Variants in ABCB9 observed in about 807,000 individuals in gnomAD.
ABCB9 encodes ABC-type oligopeptide transporter ABCB9.
A neutral mutation model predicts 62.0 loss-of-function variants in ABCB9; 36 were observed. That is an observed-to-expected ratio of 0.58 (90% CI 0.45 to 0.77). The LOEUF is 0.77. Among genes scored for constraint, ABCB9 ranks in the 30% least tolerant of loss-of-function variants. The pLI, the probability that ABCB9 is intolerant of heterozygous loss-of-function variation, is 0.00. For missense variants in ABCB9, 943 were observed against 1,054.7 expected, an observed-to-expected ratio of 0.89 and a Z score of 1.47; for synonymous variants, 435 against 461.4, an observed-to-expected ratio of 0.94 and a Z score of 0.73.
At chr12:122,945,637 G>T (rs971455460) in intron 6 of ABCB9, among the ~76,000 whole-genome samples, 1 of 152,158 alleles carries the variant, frequency 6.6e-6, no homozygotes, top group African/African-American at 2.4e-5. Flanking sequence ...CAGCACTTTG[G>T]GAGGCTGATG....
In ABCB9 at chr12:122,946,221, C is replaced by T; in HGVS notation, c.1055G>A (p.Arg352Lys). The T allele has an allele frequency of 6.2e-7, 1 of 1,614,096 alleles. No homozygotes were observed. Among genetic ancestry groups the T allele is most frequent in the Non-Finnish European group, 8.5e-7 (1 of 1,180,024 alleles). The change falls in exon 6 of 12, where the codon AGG becomes AAG. Residue 352 changes from arginine to lysine, a missense_variant and splice_region_variant. Coordinates refer to ENST00000280560, the MANE Select transcript of ABCB9 (RefSeq NM_019625.4). ...VSNIYGKYYK[R>K]LSKEVQNALA... ...GGCATTCTGGACCTCTTTGGAGAGCCTCTATGGACAGGAGGGGGACAAGAA... is the reference window on the plus strand; with the variant it reads ...GGCATTCTGGACCTCTTTGGAGAGCTTCTATGGACAGGAGGGGGACAAGAA...
At chr12:122,920,935 G>T, downstream of ABCB9, 3 of 1,310,990 alleles carry the variant, frequency 2.3e-6, no homozygotes, top group Non-Finnish European at 2.1e-6. Context: ...CACATAAAGC[G>T]CATAGACTCG....
At position 122,949,885 on chromosome 12, in the gene ABCB9, A is replaced by T; in HGVS notation, c.750T>A (p.Phe250Leu). The T allele has an allele frequency of 1.2e-6, 2 of 1,614,162 alleles. No homozygotes were observed. The highest frequency in any genetic ancestry group is 1.7e-6 in the Non-Finnish European group (2 of 1,179,980). Residue 250 changes from phenylalanine to leucine, a missense_variant, in exon 4 of 12, where the codon TTT becomes TTA. Transcript: ENST00000280560. The part of the protein sequence containing the change: ...SFAAGIRGGI[F>L]TLIFARLNIR... ...TGTTCAGTCTGGCAAATATGAGGGT[A>T]AAAATGCCGCCCCGAATACCTGCGG...
intron 6 of ABCB9, 84 bp downstream of exon 6, chr12:122,945,941 G>A (rs1650942805): frequency 8.0e-6 from 11 of 1,369,964 alleles, no homozygotes; most frequent in Non-Finnish European, 1.0e-5. Flanking sequence ...CCAACATGCA[G>A]GACTGATGTC....
intron 10 of ABCB9, among the ~76,000 whole-genome samples, chr12:122,934,699 T>C (rs774821873): frequency 6.6e-6 from 1 of 150,800 alleles, no homozygotes. Flanking sequence ...TAATGAAAAG[T>C]TTAAGTTCTT....
chr12:122,925,703 G>A (rs1245944160), downstream of ABCB9, among the ~76,000 whole-genome samples: 3 of 152,152 alleles, frequency 2.0e-5, no homozygotes, highest in African/African-American at 7.2e-5. Context: ...AGCCGAGATT[G>A]CATCACCGCA....
chr12:122,926,595 CATT>C (rs568361017), downstream of ABCB9, among the ~76,000 whole-genome samples: 4 of 151,488 alleles, frequency 2.6e-5, no homozygotes, highest in Admixed American at 6.6e-5. Flanking sequence ...CAAAAGAAAA[CATT>C]ATATCTCTAG....
intron 2 of ABCB9, among the ~76,000 whole-genome samples, chr12:122,954,114 G>A (rs969857786): frequency 6.6e-6 from 1 of 151,418 alleles, no homozygotes; most frequent in East Asian, 1.9e-4. Context: ...GGCTGAAGTC[G>A]CTGTGATCAC....
chr12:122,950,566 C>CA lies in ABCB9; in HGVS notation c.602-2_602-1insT, dbSNP rs2036309092. On this transcript the variant is annotated splice_acceptor_variant, in intron 2 of 11. Coordinates refer to ENST00000280560, the MANE Select transcript of ABCB9 (RefSeq NM_019625.4). LOFTEE classifies it high-confidence loss of function. ...GTGTAGTAGGGCAGGAAGGTCTCTC[C>CA]TGGGGGAGGCAGGGCAGCCTCAGGG... is the stretch of plus-strand genomic sequence containing the variant. 6.2e-7 allele frequency: 1 copy of CA among 1,610,676 alleles called. No individual in the cohort carries two copies. Among genetic ancestry groups the CA allele is most frequent in the African/African-American group, 1.3e-5 (1 of 74,924 alleles).
At chr12:122,961,600 G>C (rs2036911730) in intron 1 of ABCB9, among the ~76,000 whole-genome samples, 1 of 152,200 alleles carries the variant, frequency 6.6e-6, no homozygotes, top group African/African-American at 2.4e-5. Flanking sequence ...CTGGGGAAAA[G>C]CACTTGGCAC....
At chr12:122,933,412 G>A (rs2035295471) in intron 10 of ABCB9, among the ~76,000 whole-genome samples, 1 of 152,096 alleles carries the variant, frequency 6.6e-6, no homozygotes, top group Admixed American at 6.6e-5. Flanking sequence ...AAATTAGCCG[G>A]GTATGGTGGC....
At chr12:122,973,578 GAAAAAAAAAAAA>G (rs57853191) in intron 1 of ABCB9, among the ~76,000 whole-genome samples, 117 of 50,350 alleles carry the variant, frequency 2.3e-3, no homozygotes, top group East Asian at 0.018. Context: ...CTCAAAAAAA[GAAAAAAAAAAAA>G]AAAAAAAAAA....
downstream of ABCB9, among the ~76,000 whole-genome samples, chr12:122,925,969 T>C (rs1038833364): frequency 3.9e-5 from 6 of 152,158 alleles, no homozygotes; most frequent in African/African-American, 9.7e-5. Context: ...GTACACATGA[T>C]GAGAGAAGCC....
chr12:122,922,007 G>A (rs981400171), intron 11 of ABCB9, among the ~76,000 whole-genome samples: 1 of 152,256 alleles, frequency 6.6e-6, no homozygotes, highest in Middle Eastern at 3.4e-3. Context: ...ATTGAATAGA[G>A]GCGGCTAGGG....
chr12:122,940,016 T>C lies in ABCB9; in HGVS notation c.1743+95A>G, dbSNP rs978347412. Reference sequence around the variant, plus strand: ...GATAATTCTTTGAACTGTCCATTTATCTCTAGTGCCCTCTTCCGCACCTGT... The same window carrying C: ...GATAATTCTTTGAACTGTCCATTTACCTCTAGTGCCCTCTTCCGCACCTGT... On this transcript the variant is annotated intron_variant, in intron 9 of 11. Transcript: ENST00000280560. The surrounding 1 kb of genome is among the most constrained non-coding windows in gnomAD (Gnocchi z 4.8). The C allele has an allele frequency of 1.4e-6, 2 of 1,443,058 alleles. No homozygotes were observed. Among genetic ancestry groups the C allele is most frequent in the Non-Finnish European group, 1.9e-6 (2 of 1,070,394 alleles). The allele number at this position is 1,443,058 out of a possible 1,614,324, so 89.4% of individuals were successfully genotyped here. A position where few individuals can be genotyped will look rare whatever the true frequency, so the allele number is the denominator to read the frequency against.
Position 122,964,733 on chromosome 12 carries a change from A to C in ABCB9, c.-88+1554T>G, listed in dbSNP as rs1483107027. Among the ~76,000 whole-genome samples, 1 of 152,224 alleles carries C rather than the reference A, an allele frequency of 6.6e-6. No homozygotes were observed. Among genetic ancestry groups the C allele is most frequent in the Non-Finnish European group, 1.5e-5 (1 of 68,032 alleles). Reference sequence around the variant, plus strand: ...GCACATGGGTGACCTGCTTGGCCTGAGGGACAAGGACAAGGTGGTGGCCAG... The same window carrying C: ...GCACATGGGTGACCTGCTTGGCCTGCGGGACAAGGACAAGGTGGTGGCCAG... On this transcript the variant is annotated intron_variant, in intron 1 of 11. Transcript: ENST00000280560. This position sits in a 1 kb window ranked among gnomAD's most constrained non-coding sequence, Gnocchi z 4.7.
chr12:122,922,918 G>A (rs901873810), intron 11 of ABCB9, among the ~76,000 whole-genome samples: 1 of 151,684 alleles, frequency 6.6e-6, no homozygotes, highest in Non-Finnish European at 1.5e-5. Flanking sequence ...CCCAGCCTTC[G>A]GAGTAGCTGA....
rs1372712870 is a variant in ABCB9, at chr12:122,932,115, C to T, written c.2040+77G>A. On this transcript the variant is annotated intron_variant, in intron 11 of 11. Coordinates refer to ENST00000280560, the MANE Select transcript of ABCB9 (RefSeq NM_019625.4). This position sits in a 1 kb window ranked among gnomAD's most constrained non-coding sequence, Gnocchi z 4.7. ...CCTGGGGCCCGTCTCTTCTCAGCAT[C>T]CATCTGCTGGGCGATGGGGGCTCTG... 1.9e-6 allele frequency: 3 copies of T among 1,547,718 alleles called. No homozygotes were observed. Among genetic ancestry groups the T allele is most frequent in the Admixed American group, 2.0e-5 (1 of 50,984 alleles).
intron 2 of ABCB9, among the ~76,000 whole-genome samples, chr12:122,954,846 C>T (rs1200641480): frequency 6.6e-6 from 1 of 152,172 alleles, no homozygotes; most frequent in Non-Finnish European, 1.5e-5. Context: ...TAACATTTCC[C>T]AATGGGTGGT....
Sources: allele counts gnomAD v4.1 joint callset (sites outside exome capture counted in the v4.1 genomes callset), GRCh38; gene constraint gnomAD v4.1.1; non-coding constraint Gnocchi (gnomAD v3.1); transcripts MANE v1.5; gene names NCBI Gene and HGNC (gene_info 2026-07-23, HGNC 2026-07-21).